The following GRM7 variants were observed in gnomAD, a reference collection of about 807,000 sequenced individuals.
GRM7 encodes the protein glutamate metabotropic receptor 7, also known as metabotropic glutamate receptor 7.
Under a neutral mutation model 84.5 loss-of-function variants are expected in GRM7, and 35 were observed. That is an observed-to-expected ratio of 0.41 (90% CI 0.32 to 0.55). The LOEUF (loss-of-function observed/expected upper bound fraction) is 0.55, where lower values mean the gene tolerates loss of function less well. Ranked by LOEUF, GRM7 falls within the 20% of genes least tolerant of loss-of-function variation. The pLI, the probability that GRM7 is intolerant of heterozygous loss-of-function variation, is 0.19. For synonymous variants in GRM7, 487 were observed against 455.1 expected, an observed-to-expected ratio of 1.07 and a Z score of -0.89; for missense variants, 1,003 against 1,194.6, an observed-to-expected ratio of 0.84 and a Z score of 2.36.
intron 2 of GRM7, among the ~76,000 whole-genome samples, chr3:7,235,151 GT>G (rs1697309457): frequency 6.6e-6 from 1 of 152,176 alleles, no homozygotes; most frequent in African/African-American, 2.4e-5. Flanking sequence ...TACCTTACTA[GT>G]TACTACCATC....
intron 8 of GRM7, among the ~76,000 whole-genome samples, chr3:7,655,427 A>C (rs1699136110): frequency 6.6e-6 from 1 of 152,180 alleles, no homozygotes; most frequent in Non-Finnish European, 1.5e-5. Flanking sequence ...TATAAAACCC[A>C]TCCCAGAAAT....
intron 1 of GRM7, among the ~76,000 whole-genome samples, chr3:7,145,341 C>T (rs577827354): frequency 6.6e-6 from 1 of 152,024 alleles, no homozygotes; most frequent in Admixed American, 6.5e-5. Context: ...TTTTCTATTG[C>T]TTGATAGAAT....
At chr3:7,459,502 C>T (rs989038770) in intron 6 of GRM7, among the ~76,000 whole-genome samples, 7 of 152,036 alleles carry the variant, frequency 4.6e-5, no homozygotes, top group African/African-American at 1.2e-4. Context: ...ACTCACAGTT[C>T]CATGAGGCTG....
intron 7 of GRM7, among the ~76,000 whole-genome samples, chr3:7,575,789 A>C (rs767064558): frequency 1.3e-5 from 2 of 152,214 alleles, no homozygotes; most frequent in Non-Finnish European, 2.9e-5. Flanking sequence ...CGAAAATTGA[A>C]AACAAATTAA....
At chr3:7,006,927 A>G (rs1208366390) in intron 1 of GRM7, among the ~76,000 whole-genome samples, 2 of 152,246 alleles carry the variant, frequency 1.3e-5, no homozygotes, top group Non-Finnish European at 2.9e-5. Context: ...AATAAAGCAT[A>G]TGAAAATAAC....
chr3:7,667,304 A>G (rs1288254417), intron 8 of GRM7, among the ~76,000 whole-genome samples: 2 of 151,784 alleles, frequency 1.3e-5, no homozygotes, highest in African/African-American at 2.4e-5. Context: ...GAGAGAAAAG[A>G]TAAGCATCTA....
chr3:7,157,032 GA>G (rs1694473245), intron 2 of GRM7, among the ~76,000 whole-genome samples: 1 of 152,040 alleles, frequency 6.6e-6, no homozygotes, highest in Non-Finnish European at 1.5e-5. Flanking sequence ...AAGGAATCAA[GA>G]AGCTTGGACT....
intron 7 of GRM7, among the ~76,000 whole-genome samples, chr3:7,571,164 G>A (rs1254353525): frequency 1.3e-5 from 2 of 152,172 alleles, no homozygotes; most frequent in Admixed American, 6.5e-5. Flanking sequence ...CCTCTGACAT[G>A]CCCTGGAGAC....
At chr3:7,300,705 ATC>A (rs1553553816) in intron 3 of GRM7, among the ~76,000 whole-genome samples, 1 of 151,932 alleles carries the variant, frequency 6.6e-6, no homozygotes, top group Non-Finnish European at 1.5e-5. Flanking sequence ...CCTCAATGCT[ATC>A]TCTAGTGCTG....
intron 1 of GRM7, among the ~76,000 whole-genome samples, chr3:7,108,413 C>T (rs570647604): frequency 2.6e-5 from 4 of 151,898 alleles, no homozygotes; most frequent in East Asian, 1.9e-4. Flanking sequence ...TACCATGGCT[C>T]TGAAGAACCA....
At chr3:7,552,285 G>T (rs1049153601) in intron 7 of GRM7, among the ~76,000 whole-genome samples, 1 of 152,164 alleles carries the variant, frequency 6.6e-6, no homozygotes, top group African/African-American at 2.4e-5. Context: ...GCTTTGTAGG[G>T]TACAGCCCCA....
chr3:7,055,705 G>C (rs1252631855), intron 1 of GRM7, among the ~76,000 whole-genome samples: 1 of 151,736 alleles, frequency 6.6e-6, no homozygotes, highest in East Asian at 2.0e-4. Context: ...ATTTCTAGTA[G>C]AGACAGGATT....
chr3:6,962,798 C>T (rs1414412520), intron 1 of GRM7, among the ~76,000 whole-genome samples: 3 of 152,082 alleles, frequency 2.0e-5, no homozygotes, highest in East Asian at 3.9e-4. Context: ...GGGGACAGTT[C>T]CAGGTTTCAT....
chr3:7,340,409 G>A (rs1450890385), intron 4 of GRM7, among the ~76,000 whole-genome samples: 2 of 152,132 alleles, frequency 1.3e-5, no homozygotes, highest in Admixed American at 1.3e-4. Context: ...GCAGGTGAGA[G>A]AGTGTGTATG....
chr3:7,376,334 T>G (rs890080197), intron 4 of GRM7, among the ~76,000 whole-genome samples: 10 of 152,176 alleles, frequency 6.6e-5, no homozygotes, highest in Admixed American at 6.5e-4. Context: ...TCCACTCTTA[T>G]AGATGCTATA....
At chr3:7,525,399 T>TG (rs1700755275) in intron 7 of GRM7, among the ~76,000 whole-genome samples, 1 of 152,048 alleles carries the variant, frequency 6.6e-6, no homozygotes, top group Non-Finnish European at 1.5e-5. Flanking sequence ...GATTTGTTTT[T>TG]GGGGGGATGG....
In GRM7 at chr3:7,556,178, G is replaced by A. The variant is rs1693747120; in HGVS notation, c.1516-22244G>A. On this transcript the variant is annotated intron_variant, in intron 7 of 9. Transcript: ENST00000357716. ...TCCTTGCATGCTCACGTGGTAGAAA[G>A]GACAAGGCACCTCTCTTGGGCCTTT... Among the ~76,000 whole-genome samples, 3 of 152,072 alleles carry A rather than the reference G, an allele frequency of 2.0e-5. No individual in the cohort carries two copies. In the South Asian group the frequency reaches 6.2e-4, roughly 32 times the overall value.
chr3:7,336,505 C>G (rs1044085858), intron 4 of GRM7, among the ~76,000 whole-genome samples: 31 of 151,916 alleles, frequency 2.0e-4, no homozygotes, highest in African/African-American at 7.5e-4. Context: ...CCCACTTTCA[C>G]CACTTTTATT....
At chr3:7,307,112 CCT>C (rs149626887) in intron 4 of GRM7, among the ~76,000 whole-genome samples, 5,326 of 152,150 alleles carry the variant, frequency 0.035, 294 homozygotes, top group African/African-American at 0.12. Flanking sequence ...CAGCACACCA[CCT>C]CTCTCAGGCA....
Sources: allele counts gnomAD v4.1 joint callset (sites outside exome capture counted in the v4.1 genomes callset), GRCh38; gene constraint gnomAD v4.1.1; transcripts MANE v1.5; gene names NCBI Gene and HGNC (gene_info 2026-07-23, HGNC 2026-07-21).